MAGI2: variants seen among roughly 807,000 people sequenced by gnomAD.
MAGI2 encodes the protein membrane associated guanylate kinase, WW and PDZ domain containing 2.
In MAGI2, 35 loss-of-function variants were observed where a neutral mutation model predicts 133.3. That is an observed-to-expected ratio of 0.26 (90% CI 0.20 to 0.35). The LOEUF is 0.35. Among genes scored for constraint, MAGI2 ranks in the 10% least tolerant of loss-of-function variants. MAGI2 has a pLI of 1.00. For synonymous variants in MAGI2, 729 were observed against 710.6 expected, an observed-to-expected ratio of 1.03 and a Z score of -0.41; for missense variants, 1,636 against 1,863.4, an observed-to-expected ratio of 0.88 and a Z score of 2.25.
chr7:78,459,316 T>C (rs1334168153), intron 6 of MAGI2, among the ~76,000 whole-genome samples: 1 of 152,212 alleles, frequency 6.6e-6, no homozygotes, highest in East Asian at 1.9e-4. Flanking sequence ...ATTACCTAGA[T>C]ACACTTTGCA....
At chr7:78,733,172 T>A (rs1309634458) in intron 2 of MAGI2, among the ~76,000 whole-genome samples, 1 of 152,124 alleles carries the variant, frequency 6.6e-6, no homozygotes, top group Non-Finnish European at 1.5e-5. Flanking sequence ...AGCAAAATCT[T>A]TAGTAACACA....
intron 1 of MAGI2, among the ~76,000 whole-genome samples, chr7:79,035,890 A>C (rs1811084605): frequency 6.6e-6 from 1 of 152,218 alleles, no homozygotes; most frequent in South Asian, 2.1e-4. Flanking sequence ...TTTGGCTTTA[A>C]AAGTTGAATT....
chr7:78,875,331 G>A (rs888515910), intron 2 of MAGI2, among the ~76,000 whole-genome samples: 1 of 152,100 alleles, frequency 6.6e-6, no homozygotes, highest in African/African-American at 2.4e-5. Flanking sequence ...CAAAGCTCAG[G>A]GGTGGAAAAG....
intron 6 of MAGI2, among the ~76,000 whole-genome samples, chr7:78,467,612 A>T (rs560461261): frequency 4.6e-5 from 7 of 151,830 alleles, no homozygotes; most frequent in Non-Finnish European, 1.0e-4. Flanking sequence ...TGAATTTGTC[A>T]ATATAAAATG....
chr7:78,092,475 T>C (rs1402750291), intron 20 of MAGI2, among the ~76,000 whole-genome samples: 1 of 152,228 alleles, frequency 6.6e-6, no homozygotes, highest in Non-Finnish European at 1.5e-5. Flanking sequence ...TCTAAAAATC[T>C]TGTTTCTGTT....
intron 21 of MAGI2, 148 bp downstream of exon 21, chr7:78,078,799 T>TGTGTG (rs774479100): frequency 1.3e-6 from 1 of 756,168 alleles, no homozygotes; most frequent in Non-Finnish European, 2.2e-6. Flanking sequence ...TGTGTGTGTG[T>TGTGTG]GTGTGTGTGT....
At chr7:78,376,291 G>A (rs1013097669) in intron 6 of MAGI2, among the ~76,000 whole-genome samples, 10 of 152,022 alleles carry the variant, frequency 6.6e-5, no homozygotes, top group South Asian at 2.1e-4. Flanking sequence ...TTTATGTTCC[G>A]CTCTCTTTCA....
At chr7:78,686,830 C>G (rs961344798) in intron 2 of MAGI2, among the ~76,000 whole-genome samples, 1 of 152,182 alleles carries the variant, frequency 6.6e-6, no homozygotes. Context: ...CGCATACTAA[C>G]TCAGCAAAGG....
intron 2 of MAGI2, among the ~76,000 whole-genome samples, chr7:78,885,179 G>C (rs1796165766): frequency 6.6e-6 from 1 of 152,002 alleles, no homozygotes; most frequent in Non-Finnish European, 1.5e-5. Flanking sequence ...AGGGGAACAG[G>C]GGCTGAAAAA....
chr7:79,137,334 A>T (rs1457378460), intron 1 of MAGI2, among the ~76,000 whole-genome samples: 2 of 152,068 alleles, frequency 1.3e-5, no homozygotes, highest in African/African-American at 4.8e-5. Context: ...TCTAATGGCC[A>T]TTCTGAGGGA....
intron 12 of MAGI2, among the ~76,000 whole-genome samples, chr7:78,186,325 C>A (rs991857561): frequency 2.0e-5 from 3 of 152,192 alleles, no homozygotes; most frequent in African/African-American, 7.2e-5. Context: ...AATTCTAGAA[C>A]CTAGAACAAC....
intron 2 of MAGI2, among the ~76,000 whole-genome samples, chr7:78,955,708 T>TC (rs1802251093): frequency 2.0e-5 from 1 of 50,316 alleles, no homozygotes. Flanking sequence ...TCCCTTTCTT[T>TC]CTTTTTCTTT....
intron 2 of MAGI2, among the ~76,000 whole-genome samples, chr7:78,641,247 A>G (rs1457359329): frequency 6.6e-6 from 1 of 152,170 alleles, no homozygotes; most frequent in African/African-American, 2.4e-5. Context: ...TATAGTACAT[A>G]TGTTTAACCT....
At chr7:79,264,739 G>C (rs1408004994) in intron 1 of MAGI2, among the ~76,000 whole-genome samples, 1 of 152,032 alleles carries the variant, frequency 6.6e-6, no homozygotes, top group East Asian at 1.9e-4. Context: ...GTCAGGAAAG[G>C]TTCAGACATC....
chr7:78,963,311 G>A (rs1803017968), intron 2 of MAGI2, among the ~76,000 whole-genome samples: 2 of 152,020 alleles, frequency 1.3e-5, no homozygotes, highest in South Asian at 4.1e-4. Context: ...ACTTAATATA[G>A]GGAAAGCACT....
intron 9 of MAGI2, among the ~76,000 whole-genome samples, chr7:78,269,353 A>G (rs1030877442): frequency 2.6e-5 from 4 of 152,190 alleles, no homozygotes; most frequent in African/African-American, 9.6e-5. Flanking sequence ...TCCTTGAGGG[A>G]TTGCCACACT....
At chr7:78,229,400 T>C (rs1021566843) in intron 10 of MAGI2, among the ~76,000 whole-genome samples, 1 of 152,230 alleles carries the variant, frequency 6.6e-6, no homozygotes, top group Non-Finnish European at 1.5e-5. Flanking sequence ...CTAACAACCA[T>C]GCTGGGCTGC....
chr7:79,119,992 T>C (rs917098346), intron 1 of MAGI2, among the ~76,000 whole-genome samples: 2 of 152,068 alleles, frequency 1.3e-5, no homozygotes, highest in Non-Finnish European at 2.9e-5. Flanking sequence ...GAGTTCAAAT[T>C]AGGCATTAAC....
chr7:78,579,374 G>A (rs1802604411), intron 3 of MAGI2, among the ~76,000 whole-genome samples: 2 of 152,178 alleles, frequency 1.3e-5, no homozygotes, highest in African/African-American at 4.8e-5. Context: ...ATATGAAGGA[G>A]GGTTGAGCTG....
Sources: gnomAD v4.1 joint callset for allele counts (sites outside exome capture counted in the v4.1 genomes callset) on GRCh38, gnomAD v4.1.1 for gene constraint, MANE v1.5 for transcripts, NCBI Gene and HGNC (gene_info 2026-07-23, HGNC 2026-07-21) for gene names.